Variants in POU2F1 observed in about 807,000 individuals in gnomAD.
POU2F1 encodes the protein POU domain, class 2, transcription factor 1.
In POU2F1, 16 loss-of-function variants were observed where a neutral mutation model predicts 84.9. That is an observed-to-expected ratio of 0.19 (90% CI 0.13 to 0.29). The LOEUF (loss-of-function observed/expected upper bound fraction) is 0.29, where lower values mean the gene tolerates loss of function less well. POU2F1 is among the 10% of genes least tolerant of loss of function. The probability of loss-of-function intolerance (pLI) is 1.00; values close to 1 mark genes in which losing one functional copy is unlikely to be tolerated. For missense variants in POU2F1, 738 were observed against 942.6 expected (o/e 0.78, Z 2.84); for synonymous variants, 368 against 368.3 (o/e 1.00, Z 0.01).
At chr1:167,335,386 G>A (rs1657377932) in intron 2 of POU2F1, among the ~76,000 whole-genome samples, 1 of 152,140 alleles carries the variant, frequency 6.6e-6, no homozygotes, top group Admixed American at 6.5e-5. Context: ...TTATAGGTCA[G>A]GTGGAAGGAC....
At chr1:167,329,618 A>C (rs147235590) in intron 1 of POU2F1, among the ~76,000 whole-genome samples, 4 of 152,266 alleles carry the variant, frequency 2.6e-5, no homozygotes, top group African/African-American at 9.6e-5. Context: ...AGTTATAAAA[A>C]CATCTTAAAT....
chr1:167,301,771 A>G (rs1439662092), intron 1 of POU2F1, among the ~76,000 whole-genome samples: 1 of 151,768 alleles, frequency 6.6e-6, no homozygotes, highest in Non-Finnish European at 1.5e-5. Context: ...TGTTTTGTGT[A>G]TTCATTTCTC....
chr1:167,374,085 T>TA (rs747520472), intron 5 of POU2F1, 23 bp from the exon 6 acceptor site: 1 of 1,611,674 alleles, frequency 6.2e-7, no homozygotes, highest in Non-Finnish European at 8.5e-7. Context: ...CACTTTCCCA[T>TA]AATGTGTTCT....
intron 1 of POU2F1, among the ~76,000 whole-genome samples, chr1:167,302,674 G>A (rs1654790231): frequency 6.6e-6 from 1 of 152,190 alleles, no homozygotes; most frequent in Non-Finnish European, 1.5e-5. Context: ...AAAAAGTTAT[G>A]TGGGCCAGTT....
intron 11 of POU2F1, 24 bp downstream of exon 11, chr1:167,398,157 G>A: frequency 1.2e-6 from 2 of 1,611,450 alleles, no homozygotes; most frequent in Non-Finnish European, 1.7e-6. Flanking sequence ...TTACTTTTCT[G>A]TACATGGGAT....
intron 2 of POU2F1, among the ~76,000 whole-genome samples, chr1:167,351,444 G>C (rs1658554455): frequency 6.6e-6 from 1 of 150,388 alleles, no homozygotes; most frequent in African/African-American, 2.5e-5. Flanking sequence ...CTTGAACCTG[G>C]GAGGCGCAGG....
chr1:167,363,681 T>C (rs1418953337), intron 2 of POU2F1, among the ~76,000 whole-genome samples: 2 of 152,264 alleles, frequency 1.3e-5, no homozygotes, highest in African/African-American at 4.8e-5. Context: ...ACTAACTGTA[T>C]ATGTCTAAGT....
chr1:167,416,087 TAAAAAAAAAAA>T lies in POU2F1; in HGVS notation c.*286_*296del, dbSNP rs34032944. The T allele has an allele frequency of 3.7e-5, 13 of 351,668 alleles. No individual in the cohort carries two copies. Among genetic ancestry groups the T allele is most frequent in the Non-Finnish European group, 6.7e-5 (13 of 193,184 alleles). 21.8% of individuals were successfully genotyped at this position (351,668 alleles called of 1,614,324 possible). The stretch of plus-strand genomic sequence containing the variant: ...ATTGGAGAACTTTCTAACCAAAAAT[TAAAAAAAAAAA>T]AAAAAAAAGAAACAAAAAAATCAAA... On this transcript the variant is annotated 3_prime_UTR_variant, in exon 16 of 16. Transcript: ENST00000367866.
chr1:167,311,066 T>G (rs1043826853), intron 1 of POU2F1, among the ~76,000 whole-genome samples: 1 of 152,098 alleles, frequency 6.6e-6, no homozygotes, highest in African/African-American at 2.4e-5. Flanking sequence ...AAAAGTACTT[T>G]CAGAACACTG....
Position 167,233,398 on chromosome 1 carries a change from A to G in POU2F1, c.61+12440A>G, listed in dbSNP as rs146972534. On this transcript the variant is annotated intron_variant, in intron 1 of 15. Transcript: ENST00000367866. ...AGCAGTCCTCTTGGCTTGGCCTCCC[A>G]AAGTGCTGGGATTACAGATGTGAGC... is the stretch of plus-strand genomic sequence containing the variant. 4.4e-4 allele frequency among the ~76,000 whole-genome samples: 66 copies of G among 151,138 alleles called. 2 individuals carry two copies. In the East Asian group the frequency reaches 0.013, roughly 29 times the overall value.
chr1:167,323,238 T>A (rs1470040343), intron 1 of POU2F1, among the ~76,000 whole-genome samples: 1 of 152,178 alleles, frequency 6.6e-6, no homozygotes, highest in Non-Finnish European at 1.5e-5. Context: ...TAAGATAGGA[T>A]CATGTAGGAT....
intron 1 of POU2F1, among the ~76,000 whole-genome samples, chr1:167,269,316 T>G (rs1215183786): frequency 6.6e-6 from 1 of 152,050 alleles, no homozygotes; most frequent in Non-Finnish European, 1.5e-5. Context: ...TGCAAAGGAG[T>G]GTATGGTTCT....
chr1:167,357,775 T>C (rs1032892644), intron 2 of POU2F1, among the ~76,000 whole-genome samples: 8 of 151,878 alleles, frequency 5.3e-5, no homozygotes, highest in Non-Finnish European at 7.4e-5. Flanking sequence ...CCGCCCTTTA[T>C]TGAACTTGGT....
intron 1 of POU2F1, among the ~76,000 whole-genome samples, chr1:167,231,730 G>A (rs867771539): frequency 2.6e-5 from 4 of 152,146 alleles, no homozygotes; most frequent in Non-Finnish European, 5.9e-5. Context: ...AGTAGAATAC[G>A]AGAGATTTGA....
At chr1:167,350,501 A>G (rs1253356083) in intron 2 of POU2F1, among the ~76,000 whole-genome samples, 1 of 152,120 alleles carries the variant, frequency 6.6e-6, no homozygotes, top group Admixed American at 6.5e-5. Context: ...GGGAACTGAC[A>G]TTGCAAAAGA....
intron 1 of POU2F1, among the ~76,000 whole-genome samples, chr1:167,294,340 C>T (rs1185581148): frequency 3.3e-5 from 5 of 151,826 alleles, no homozygotes; most frequent in East Asian, 3.9e-4. Flanking sequence ...CAGAGTGAGA[C>T]TCCATCTAAA....
intron 1 of POU2F1, among the ~76,000 whole-genome samples, chr1:167,236,900 T>TA (rs1649496570): frequency 6.6e-6 from 1 of 151,982 alleles, no homozygotes; most frequent in Non-Finnish European, 1.5e-5. Flanking sequence ...ATATGGGAGG[T>TA]AGGGATAAAG....
intron 2 of POU2F1, among the ~76,000 whole-genome samples, chr1:167,350,110 C>T (rs936256544): frequency 1.3e-5 from 2 of 152,176 alleles, no homozygotes; most frequent in Non-Finnish European, 2.9e-5. Context: ...ATTACATACA[C>T]ATCAAGTTAG....
At chr1:167,372,120 A>G (rs1411649077) in intron 5 of POU2F1, 84 bp downstream of exon 5, 12 of 1,505,320 alleles carry the variant, frequency 8.0e-6, no homozygotes, top group Admixed American at 6.2e-5. Context: ...ATTGTTCACC[A>G]TAGCTGGTAG....
Sources: allele counts gnomAD v4.1 joint callset (sites outside exome capture counted in the v4.1 genomes callset), GRCh38; gene constraint gnomAD v4.1.1; transcripts MANE v1.5; gene names NCBI Gene and HGNC (gene_info 2026-07-23, HGNC 2026-07-21).